The following BICC1 variants were observed in gnomAD, a reference collection of about 807,000 sequenced individuals.
The protein encoded by BICC1 is BicC family RNA binding protein 1.
BICC1 carries 43 observed loss-of-function variants against 111.0 expected under a neutral mutation model. The ratio of observed to expected loss-of-function variants is 0.39; its 90% confidence interval spans 0.30 to 0.50. The LOEUF (loss-of-function observed/expected upper bound fraction) is 0.50, where lower values mean the gene tolerates loss of function less well. Among genes scored for constraint, BICC1 ranks in the 20% least tolerant of loss-of-function variants. The probability of loss-of-function intolerance (pLI) is 0.88; values close to 1 mark genes in which losing one functional copy is unlikely to be tolerated. For synonymous variants in BICC1, 467 were observed against 434.4 expected (o/e 1.07, Z -0.93); for missense variants, 1,091 against 1,203.2 (o/e 0.91, Z 1.38).
At chr10:58,804,776 G>A (rs1843659477) in intron 15 of BICC1, among the ~76,000 whole-genome samples, 2 of 152,110 alleles carry the variant, frequency 1.3e-5, no homozygotes, top group Non-Finnish European at 2.9e-5. Flanking sequence ...ATGTATTTAT[G>A]TTGTTAGTGA....
chr10:58,564,287 A>G (rs1371878428), intron 1 of BICC1, among the ~76,000 whole-genome samples: 1 of 152,144 alleles, frequency 6.6e-6, no homozygotes, highest in African/African-American at 2.4e-5. Flanking sequence ...AAATGAGAAA[A>G]TGGTTTTGGC....
chr10:58,522,179 T>C (rs1842408581), intron 1 of BICC1, among the ~76,000 whole-genome samples: 1 of 151,956 alleles, frequency 6.6e-6, no homozygotes. Flanking sequence ...ATTGTCATAT[T>C]GCACAGTAGG....
At chr10:58,613,374 T>C (rs533125212) in intron 1 of BICC1, among the ~76,000 whole-genome samples, 1 of 152,066 alleles carries the variant, frequency 6.6e-6, no homozygotes, top group African/African-American at 2.4e-5. Flanking sequence ...GATGAAGGAG[T>C]ATCAGTGTCT....
At position 58,785,043 on chromosome 10, in the gene BICC1, A is replaced by G. The variant is rs1359575839; in HGVS notation, c.350A>G (p.Glu117Gly). 3 of 1,600,578 alleles carry G rather than the reference A, an allele frequency of 1.9e-6. No homozygotes were observed. Among genetic ancestry groups the G allele is most frequent in the African/African-American group, 1.3e-5 (1 of 74,266 alleles). Reference protein sequence around the residue: ...KVSGKKEDVKEAKEMIMSVLD... With the variant: ...KVSGKKEDVKGAKEMIMSVLD... Reference sequence around the variant, plus strand: ...TCTGGAAAGAAAGAAGATGTTAAAGAAGCCAAGGAAATGATCATGTCTGTC... The same window carrying G: ...TCTGGAAAGAAAGAAGATGTTAAAGGAGCCAAGGAAATGATCATGTCTGTC... Residue 117 changes from glutamate (E) to glycine (G), a missense_variant, in exon 4 of 21, where the codon GAA (glutamate) becomes GGA (glycine). Transcript: ENST00000373886.
At chr10:58,669,005 T>G (rs1298639848) in intron 2 of BICC1, among the ~76,000 whole-genome samples, 1 of 152,112 alleles carries the variant, frequency 6.6e-6, no homozygotes, top group Non-Finnish European at 1.5e-5. Flanking sequence ...GTTTTTACTG[T>G]AGTTTGTATA....
At chr10:58,799,373 C>A (rs1436986609) in intron 12 of BICC1, 121 bp downstream of exon 12, 9 of 627,318 alleles carry the variant, frequency 1.4e-5, no homozygotes, top group Non-Finnish European at 1.4e-5. Context: ...AAGAGATAAA[C>A]CCCTGGTAAA....
rs370168155 is a variant in BICC1 at position 58,579,872 on chromosome 10, A to G, written c.191-40983A>G. On this transcript the variant is annotated intron_variant, in intron 1 of 20. Transcript: ENST00000373886. ...AAAGAACAGCTTTTTTGGATTATTC[A>G]TTTTTTCCATAATAGAATATATACT... Among the ~76,000 whole-genome samples, 4 of 50,164 alleles carry G rather than the reference A, an allele frequency of 8.0e-5. No homozygotes were observed. In the South Asian group the frequency reaches 3.9e-3, roughly 49 times the overall value. The allele number at this position is 50,164 out of a possible 152,430, so 32.9% of individuals were successfully genotyped here.
intron 1 of BICC1, among the ~76,000 whole-genome samples, chr10:58,563,254 G>T (rs1160698947): frequency 6.6e-6 from 1 of 152,172 alleles, no homozygotes; most frequent in African/African-American, 2.4e-5. Flanking sequence ...AGCAGCCTGG[G>T]TCCTGGGGGT....
At chr10:58,652,435 T>A (rs1010509772) in intron 2 of BICC1, among the ~76,000 whole-genome samples, 1 of 152,110 alleles carries the variant, frequency 6.6e-6, no homozygotes, top group Non-Finnish European at 1.5e-5. Flanking sequence ...TAATTTATAA[T>A]AAAGCAAATT....
intron 2 of BICC1, among the ~76,000 whole-genome samples, chr10:58,690,961 T>C (rs180894933): frequency 6.6e-6 from 1 of 152,258 alleles, no homozygotes; most frequent in Non-Finnish European, 1.5e-5. Flanking sequence ...TCCCCCAAGT[T>C]TGTTTAGTTT....
chr10:58,796,603 G>A (rs1843362358), intron 10 of BICC1, 77 bp downstream of exon 10: 2 of 1,399,738 alleles, frequency 1.4e-6, no homozygotes, highest in African/African-American at 1.4e-5. Context: ...CTACCATTCG[G>A]GTCTACATTT....
At chr10:58,688,471 T>C (rs543923004) in intron 2 of BICC1, among the ~76,000 whole-genome samples, 1,626 of 151,190 alleles carry the variant, frequency 0.011, 11 homozygotes, top group Middle Eastern at 0.038. Context: ...TTTCTCCAAG[T>C]CCCCCCCTGA....
At chr10:58,528,555 C>T (rs1842604094) in intron 1 of BICC1, among the ~76,000 whole-genome samples, 1 of 151,878 alleles carries the variant, frequency 6.6e-6, no homozygotes, top group Non-Finnish European at 1.5e-5. Flanking sequence ...ATAATCCATT[C>T]TCAAAATTAA....
At chr10:58,520,159 C>T (rs1304063883) in intron 1 of BICC1, among the ~76,000 whole-genome samples, 2 of 152,162 alleles carry the variant, frequency 1.3e-5, no homozygotes, top group Non-Finnish European at 2.9e-5. Flanking sequence ...GACCAGTTGA[C>T]TCATTCTTAG....
chr10:58,610,088 T>A (rs1394720459), intron 1 of BICC1, among the ~76,000 whole-genome samples: 1 of 152,208 alleles, frequency 6.6e-6, no homozygotes, highest in Non-Finnish European at 1.5e-5. Flanking sequence ...GCCAATAAAT[T>A]TGAAGTTCGA....
chr10:58,561,395 G>A (rs1843599817), intron 1 of BICC1, among the ~76,000 whole-genome samples: 1 of 151,622 alleles, frequency 6.6e-6, no homozygotes, highest in Admixed American at 6.6e-5. Context: ...TCTTTGTGTA[G>A]AATATTCTTG....
intron 1 of BICC1, among the ~76,000 whole-genome samples, chr10:58,584,967 AAAATT>A (rs1844390183): frequency 6.6e-6 from 1 of 152,252 alleles, no homozygotes; most frequent in African/African-American, 2.4e-5. Flanking sequence ...TAGCATAAAT[AAAATT>A]AGTCATTGTG....
In BICC1 at chr10:58,513,224, A is replaced by T. The variant is rs1842143157; in HGVS notation, c.81A>T (p.Pro27=). ...GSNSERSTDS[P]VPGSEDDLVA... The stretch of plus-strand genomic sequence containing the variant: ...ACAGCGAGCGCAGCACCGACTCCCC[A>T]GTGCCCGGCTCCGAGGACGACTTGG... Residue 27 remains proline, a synonymous_variant, in exon 1 of 21, where the codon CCA becomes CCT. Transcript: ENST00000373886. The T allele has an allele frequency of 1.9e-6, 3 of 1,612,282 alleles. No homozygotes were observed. Among genetic ancestry groups the T allele is most frequent in the Non-Finnish European group, 1.7e-6 (2 of 1,179,484 alleles).
chr10:58,707,634 A>G (rs35683108), intron 3 of BICC1, among the ~76,000 whole-genome samples: 44,008 of 151,850 alleles, frequency 0.29, 7,159 homozygotes, highest in African/African-American at 0.44. Context: ...GGTTCAAGCG[A>G]TTCTCCTGCC....
Sources: allele counts gnomAD v4.1 joint callset (sites outside exome capture counted in the v4.1 genomes callset), GRCh38; gene constraint gnomAD v4.1.1; transcripts MANE v1.5; gene names NCBI Gene and HGNC (gene_info 2026-07-23, HGNC 2026-07-21).